The following LGR6 variants were observed in gnomAD, a reference collection of about 807,000 sequenced individuals.
LGR6 encodes leucine rich repeat containing G protein-coupled receptor 6, also known as leucine-rich repeat-containing G protein-coupled receptor 6.
Under a neutral mutation model 69.4 loss-of-function variants are expected in LGR6, and 45 were observed. The observed-to-expected ratio is 0.65, with a 90% CI of 0.51 to 0.83. The LOEUF is 0.83. Ranked by LOEUF, LGR6 falls within the 40% of genes least tolerant of loss-of-function variation. LGR6 has a pLI of 0.00. For missense variants in LGR6, 1,108 were observed against 1,246.7 expected, an observed-to-expected ratio of 0.89 and a Z score of 1.68; for synonymous variants, 538 against 555.0, an observed-to-expected ratio of 0.97 and a Z score of 0.43.
At chr1:202,208,680 T>C (rs1659349649) in intron 1 of LGR6, among the ~76,000 whole-genome samples, 1 of 151,936 alleles carries the variant, frequency 6.6e-6, no homozygotes, top group South Asian at 2.1e-4. Flanking sequence ...CCCACTCCCC[T>C]ACTCTGAATG....
chr1:202,220,046 T>A (rs978605326), intron 1 of LGR6, among the ~76,000 whole-genome samples: 1 of 151,706 alleles, frequency 6.6e-6, no homozygotes, highest in Non-Finnish European at 1.5e-5. Flanking sequence ...ACCTGGCTAT[T>A]TTTTTGTATT....
rs3062624 is a variant in LGR6, at chr1:202,243,942, TTTGTTGTTGTTGTTG to T, written c.428+7964_428+7978del. On this transcript the variant is annotated intron_variant, in intron 4 of 17. Coordinates refer to ENST00000367278, the MANE Select transcript of LGR6 (RefSeq NM_001017403.2). ...AGATAAGAATAAAAAACAAAGTCTTTTTGTTGTTGTTGTTGTTGTTGTTGTTGTTTTTGAGATGGA... is the reference window on the plus strand; with the variant it reads ...AGATAAGAATAAAAAACAAAGTCTTTTTGTTGTTGTTGTTTTTGAGATGGA... 8.0e-3 allele frequency among the ~76,000 whole-genome samples: 1,207 copies of T among 150,570 alleles called. 15 individuals are homozygous for T. Among genetic ancestry groups the T allele is most frequent in the African/African-American group, 0.028 (1,132 of 40,778 alleles).
At position 202,307,380 on chromosome 1, in the gene LGR6, C is replaced by T; in HGVS notation, c.1259C>T (p.Thr420Ile). The change falls in exon 14 of 18, where the codon ACC becomes ATC. Residue 420 changes from threonine (T) to isoleucine (I), a missense_variant. By Grantham distance (89) the Thr-to-Ile change is moderately conservative (BLOSUM62 -1). Coordinates refer to ENST00000367278, the MANE Select transcript of LGR6 (RefSeq NM_001017403.2). ...IRSIHPEAFSTLHSLVKLDLT... is the reference protein window; with the variant it reads ...IRSIHPEAFSILHSLVKLDLT... ...TCCATCCACCCCGAGGCCTTCTCCA[C>T]CCTGCACTCCCTGGTCAAGCTGTAA... 1.2e-6 allele frequency: 2 copies of T among 1,614,122 alleles called. No homozygotes were observed. The highest frequency in any genetic ancestry group is 1.1e-5 in the South Asian group (1 of 91,074).
chr1:202,302,461 G>A (rs1233402686), intron 9 of LGR6, among the ~76,000 whole-genome samples: 5 of 152,146 alleles, frequency 3.3e-5, no homozygotes, highest in South Asian at 2.1e-4. Flanking sequence ...GGCCCCATGT[G>A]GGTCCGTGTC....
chr1:202,225,455 AGCCTG>A lies in LGR6; in HGVS notation c.250_254del (p.Gly84LeufsTer74). On this transcript the variant is annotated frameshift_variant, in exon 2 of 18. Transcript: ENST00000367278. LOFTEE classifies it high-confidence loss of function. ...AGCATGAACAACCTCACAGAGCTTC[AGCCTG>A]GCCTCTTCCACCACCTGCGCTTCTT... 6.2e-7 allele frequency: 1 copy of A among 1,613,976 alleles called. No individual in the cohort carries two copies. The highest frequency in any genetic ancestry group is 8.5e-7 in the Non-Finnish European group (1 of 1,179,888).
intron 4 of LGR6, among the ~76,000 whole-genome samples, chr1:202,270,884 CCTTCCCTCCCTG>C (rs1162428894): frequency 6.6e-6 from 1 of 152,206 alleles, no homozygotes; most frequent in African/African-American, 2.4e-5. Context: ...GGGTCCCCTT[CCTTCCCTCCCTG>C]CTTCAGCCTC....
At chr1:202,312,980 G>C (rs1277237601) in intron 16 of LGR6, among the ~76,000 whole-genome samples, 3 of 152,096 alleles carry the variant, frequency 2.0e-5, no homozygotes. Flanking sequence ...TGTAATCCCA[G>C]CACTTTGGGA....
chr1:202,282,257 C>G (rs1238865447), intron 6 of LGR6, among the ~76,000 whole-genome samples: 2 of 152,230 alleles, frequency 1.3e-5, no homozygotes, highest in East Asian at 3.8e-4. Context: ...GCAGTTAACT[C>G]TGGACAGTCT....
intron 4 of LGR6, among the ~76,000 whole-genome samples, chr1:202,254,026 C>T (rs1185915133): frequency 5.9e-5 from 9 of 151,476 alleles, no homozygotes; most frequent in Admixed American, 5.3e-4. Context: ...GGGATGGTCT[C>T]GATCTCCTGA....
intron 16 of LGR6, among the ~76,000 whole-genome samples, chr1:202,311,637 G>A (rs954631313): frequency 1.2e-4 from 19 of 152,244 alleles, no homozygotes; most frequent in African/African-American, 4.6e-4. Flanking sequence ...ACTCCAGCCT[G>A]GGTGACAGAG....
At chr1:202,243,939 CTTTTTG>C (rs944828529) in intron 4 of LGR6, among the ~76,000 whole-genome samples, 6 of 128,876 alleles carry the variant, frequency 4.7e-5, no homozygotes, top group Non-Finnish European at 9.8e-5. Flanking sequence ...AAAACAAAGT[CTTTTTG>C]TTGTTGTTGT....
rs1661915469 is a variant in LGR6, at chr1:202,239,144, G to A, written c.428+3151G>A. Among the ~76,000 whole-genome samples, 4 of 152,144 alleles carry A rather than the reference G, an allele frequency of 2.6e-5. 1 individual carries two copies. In the South Asian group the frequency reaches 8.3e-4, roughly 32 times the overall value. On this transcript the variant is annotated intron_variant, in intron 4 of 17. Transcript: ENST00000367278. Reference sequence around the variant, plus strand: ...TAGGTGTCTTCCAACCAGGGTAGGTGTCTTCCGGCCGGCTCTTTTCCTGCT... The same window carrying A: ...TAGGTGTCTTCCAACCAGGGTAGGTATCTTCCGGCCGGCTCTTTTCCTGCT...
intron 1 of LGR6, chr1:202,214,287 C>G: frequency 6.7e-7 from 1 of 1,482,682 alleles, no homozygotes; most frequent in Non-Finnish European, 9.0e-7. Flanking sequence ...ACAGGTCCTC[C>G]GCAGCCCTGG....
intron 7 of LGR6, among the ~76,000 whole-genome samples, chr1:202,299,566 G>A: frequency 6.6e-6 from 1 of 152,176 alleles, no homozygotes; most frequent in East Asian, 1.9e-4. Context: ...CAGGGCCCCT[G>A]TCTTAGAAAC....
chr1:202,246,070 C>T (rs1459426211), intron 4 of LGR6, among the ~76,000 whole-genome samples: 1 of 126,330 alleles, frequency 7.9e-6, no homozygotes, highest in African/African-American at 3.0e-5. Context: ...TCCCTCCCTT[C>T]ATCTATCCAT....
chr1:202,240,049 G>C (rs968605076), intron 4 of LGR6, among the ~76,000 whole-genome samples: 3 of 152,110 alleles, frequency 2.0e-5, no homozygotes, highest in African/African-American at 7.2e-5. Flanking sequence ...TATACCGTCA[G>C]CAAGAGTCTG....
At position 202,220,409 on chromosome 1, in the gene LGR6, C is replaced by T. The variant is rs112026316; in HGVS notation, c.213-5014C>T. On this transcript the variant is annotated intron_variant, in intron 1 of 17. Coordinates refer to ENST00000367278, the MANE Select transcript of LGR6 (RefSeq NM_001017403.2). ...AATTTTTGTATTTTTAGTAGAGACGCGATTTCACCATGTTGGCCAGACTGG... is the reference window on the plus strand; with the variant it reads ...AATTTTTGTATTTTTAGTAGAGACGTGATTTCACCATGTTGGCCAGACTGG... 2.2e-3 allele frequency among the ~76,000 whole-genome samples: 328 copies of T among 147,392 alleles called. 2 individuals are homozygous for T. The highest frequency in any genetic ancestry group is 7.9e-3 in the African/African-American group (317 of 40,310).
In LGR6 at chr1:202,305,865, C is replaced by T. The variant is rs1477335685; in HGVS notation, c.1136+116C>T. 1.5e-4 allele frequency: 123 copies of T among 839,706 alleles called. 1 individual carries two copies. Among genetic ancestry groups the T allele is most frequent in the Non-Finnish European group, 2.0e-4 (98 of 500,510 alleles). 52.0% of individuals were successfully genotyped at this position (839,706 alleles called of 1,614,324 possible). A position where few individuals can be genotyped will look rare whatever the true frequency, so the allele number is the denominator to read the frequency against. ...CCAATGCACACTTTGACATTTCTTCCTTCTCTTTTCTGAGTTTGTTTAACC... is the reference window on the plus strand; with the variant it reads ...CCAATGCACACTTTGACATTTCTTCTTTCTCTTTTCTGAGTTTGTTTAACC... On this transcript the variant is annotated intron_variant, in intron 12 of 17. Transcript: ENST00000367278.
At chr1:202,220,498 C>T (rs1039004137) in intron 1 of LGR6, among the ~76,000 whole-genome samples, 4 of 152,324 alleles carry the variant, frequency 2.6e-5, no homozygotes, top group South Asian at 2.1e-4. Context: ...GGATTACAGG[C>T]GTGAGTCACC....
Sources: gnomAD v4.1 joint callset for allele counts (sites outside exome capture counted in the v4.1 genomes callset) on GRCh38, gnomAD v4.1.1 for gene constraint, MANE v1.5 for transcripts, NCBI Gene and HGNC (gene_info 2026-07-23, HGNC 2026-07-21) for gene names.